The following EPHA6 variants were observed in gnomAD, a reference collection of about 807,000 sequenced individuals.
EPHA6 encodes EPH receptor A6.
In EPHA6, 50 loss-of-function variants were observed where a neutral mutation model predicts 112.0. That is an observed-to-expected ratio of 0.45 (90% confidence interval 0.36 to 0.56). EPHA6 has a LOEUF of 0.56. EPHA6 is among the 20% of genes least tolerant of loss of function. EPHA6 has a pLI of 0.00. For missense variants in EPHA6, 1,280 were observed against 1,417.4 expected (o/e 0.90, Z 1.56); for synonymous variants, 529 against 490.7 (o/e 1.08, Z -1.03).
At chr3:97,453,046 A>T (rs533081697) in intron 7 of EPHA6, among the ~76,000 whole-genome samples, 7 of 151,890 alleles carry the variant, frequency 4.6e-5, no homozygotes, top group African/African-American at 1.7e-4. Context: ...AAGATAAGGA[A>T]ATAAAATTTT....
chr3:97,138,193 A>G (rs375694071), intron 3 of EPHA6, among the ~76,000 whole-genome samples: 1 of 152,170 alleles, frequency 6.6e-6, no homozygotes, highest in African/African-American at 2.4e-5. Flanking sequence ...TTTTGTGACC[A>G]CCCTAGACTT....
intron 3 of EPHA6, among the ~76,000 whole-genome samples, chr3:97,053,678 G>A (rs2045758783): frequency 6.6e-6 from 1 of 152,036 alleles, no homozygotes; most frequent in South Asian, 2.1e-4. Flanking sequence ...GACACTAAAT[G>A]CACTTTCACA....
chr3:97,710,354 T>C (rs1020031004), intron 14 of EPHA6, among the ~76,000 whole-genome samples: 1 of 152,230 alleles, frequency 6.6e-6, no homozygotes, highest in Non-Finnish European at 1.5e-5. Flanking sequence ...AAGGTCACTG[T>C]TCCATTCTAA....
At chr3:97,015,887 CT>C (rs2044249049) in intron 3 of EPHA6, among the ~76,000 whole-genome samples, 1 of 152,098 alleles carries the variant, frequency 6.6e-6, no homozygotes, top group Non-Finnish European at 1.5e-5. Flanking sequence ...TGGATAGTGA[CT>C]TTTTTTAATT....
chr3:97,722,971 G>C (rs2034597837), intron 15 of EPHA6, among the ~76,000 whole-genome samples: 1 of 152,024 alleles, frequency 6.6e-6, no homozygotes, highest in South Asian at 2.1e-4. Flanking sequence ...CTTTAAAAGT[G>C]CCTCACTTTC....
At chr3:97,305,920 A>G (rs551662133) in intron 5 of EPHA6, among the ~76,000 whole-genome samples, 52 of 152,006 alleles carry the variant, frequency 3.4e-4, no homozygotes, top group African/African-American at 1.2e-3. Flanking sequence ...TAAAATTGCC[A>G]TAAGAAATAA....
intron 10 of EPHA6, among the ~76,000 whole-genome samples, chr3:97,498,882 C>T (rs888796271): frequency 3.9e-5 from 6 of 152,224 alleles, no homozygotes; most frequent in African/African-American, 1.2e-4. Flanking sequence ...GAAAAATTGT[C>T]TTCCATGAAA....
intron 1 of EPHA6, among the ~76,000 whole-genome samples, chr3:96,819,669 G>T (rs1211285494): frequency 6.6e-6 from 1 of 152,084 alleles, no homozygotes; most frequent in East Asian, 1.9e-4. Context: ...AACATACATT[G>T]TAATCAAACT....
At chr3:97,706,181 T>C (rs2033666106) in intron 14 of EPHA6, among the ~76,000 whole-genome samples, 1 of 152,188 alleles carries the variant, frequency 6.6e-6, no homozygotes, top group Admixed American at 6.5e-5. Flanking sequence ...TTAAAGTGAT[T>C]TTATTCTTTT....
At chr3:96,995,355 C>T (rs2043381746) in intron 3 of EPHA6, among the ~76,000 whole-genome samples, 1 of 152,048 alleles carries the variant, frequency 6.6e-6, no homozygotes, top group African/African-American at 2.4e-5. Context: ...GATTTATTGG[C>T]TCAGGTAGTA....
chr3:97,110,398 A>G (rs778108794), intron 3 of EPHA6, among the ~76,000 whole-genome samples: 38 of 152,140 alleles, frequency 2.5e-4, no homozygotes, highest in Non-Finnish European at 4.7e-4. Flanking sequence ...CTTTCATTTT[A>G]AAAACTATTT....
chr3:96,816,738 A>G (rs761053003), intron 1 of EPHA6, among the ~76,000 whole-genome samples: 2 of 152,072 alleles, frequency 1.3e-5, no homozygotes, highest in Admixed American at 6.5e-5. Flanking sequence ...CATAAATAAA[A>G]CAGATATCTG....
intron 5 of EPHA6, among the ~76,000 whole-genome samples, chr3:97,337,602 A>G (rs562886284): frequency 6.6e-5 from 10 of 152,300 alleles, no homozygotes; most frequent in African/African-American, 1.9e-4. Context: ...TTTTATTGGT[A>G]TTCATCCAAC....
Position 97,042,685 on chromosome 3 carries a change from C to T in EPHA6, c.1114+54692C>T, listed in dbSNP as rs189459991. The stretch of plus-strand genomic sequence containing the variant: ...CCATTAGAGAACTCCCCTGCTTTCG[C>T]TATAGCAGGCAAGGTTACTCAGCAG... On this transcript the variant is annotated intron_variant, in intron 3 of 17. Transcript: ENST00000389672. Among the ~76,000 whole-genome samples, 71 of 152,248 alleles carry T rather than the reference C, an allele frequency of 4.7e-4. No individual in the cohort carries two copies. The Middle Eastern group carries it at 0.017, about 36-fold the overall frequency.
intron 7 of EPHA6, among the ~76,000 whole-genome samples, chr3:97,462,046 C>T (rs571203086): frequency 1.3e-5 from 2 of 152,262 alleles, no homozygotes; most frequent in African/African-American, 4.8e-5. Context: ...AAACAGACAA[C>T]ATAGGACAGT....
chr3:97,216,459 C>G (rs781776812), intron 3 of EPHA6, among the ~76,000 whole-genome samples: 5 of 152,184 alleles, frequency 3.3e-5, no homozygotes, highest in Admixed American at 6.5e-5. Context: ...ATCCAAACCA[C>G]ATCAATGTCA....
intron 10 of EPHA6, among the ~76,000 whole-genome samples, chr3:97,519,656 G>A (rs536373020): frequency 1.3e-4 from 20 of 152,038 alleles, no homozygotes; most frequent in African/African-American, 4.3e-4. Flanking sequence ...AATTTCATTC[G>A]TCAGTGTTTT....
At chr3:97,327,889 A>G (rs1277740287) in intron 5 of EPHA6, among the ~76,000 whole-genome samples, 1 of 147,504 alleles carries the variant, frequency 6.8e-6, no homozygotes, top group Non-Finnish European at 1.5e-5. Context: ...ATGTGTGTAT[A>G]TATATGTATA....
chr3:97,606,977 A>T (rs1309396484), intron 12 of EPHA6, among the ~76,000 whole-genome samples: 1 of 151,042 alleles, frequency 6.6e-6, no homozygotes, highest in Non-Finnish European at 1.5e-5. Context: ...CAAAATATAA[A>T]CTTGATAGTA....
Sources: gnomAD v4.1 joint callset for allele counts (sites outside exome capture counted in the v4.1 genomes callset) on GRCh38, gnomAD v4.1.1 for gene constraint, MANE v1.5 for transcripts, NCBI Gene and HGNC (gene_info 2026-07-23, HGNC 2026-07-21) for gene names.